TBC1D19: variants seen among roughly 807,000 people sequenced by gnomAD.
The protein encoded by TBC1D19 is TBC1 domain family, member 19.
TBC1D19 carries 60 observed loss-of-function variants against 89.0 expected under a neutral mutation model. That is an observed-to-expected ratio of 0.67 (90% CI 0.55 to 0.84). The LOEUF (loss-of-function observed/expected upper bound fraction) is 0.84. Ranked by LOEUF, TBC1D19 falls within the 40% of genes least tolerant of loss-of-function variation. The pLI is 0.00. For missense variants in TBC1D19, 500 were observed against 610.8 expected (o/e 0.82, Z 1.91); for synonymous variants, 189 against 199.7 (o/e 0.95, Z 0.45).
At chr4:26,625,009 A>G (rs1742302811) in intron 4 of TBC1D19, among the ~76,000 whole-genome samples, 1 of 152,208 alleles carries the variant, frequency 6.6e-6, no homozygotes, top group Admixed American at 6.6e-5. Context: ...CTTTGTATTC[A>G]GTAAAACACG....
the TBC1D19 span, among the ~76,000 whole-genome samples, chr4:26,841,756 T>C: frequency 6.6e-6 from 1 of 152,208 alleles, no homozygotes; most frequent in Non-Finnish European, 1.5e-5. Flanking sequence ...TCCTTTTAGC[T>C]TCTCTGAGTC....
At chr4:26,757,226 C>A (rs1719300590), downstream of TBC1D19, among the ~76,000 whole-genome samples, 1 of 152,058 alleles carries the variant, frequency 6.6e-6, no homozygotes, top group East Asian at 1.9e-4. Flanking sequence ...CGTTGGCCAA[C>A]CAGGTCTCAA....
chr4:26,824,821 T>C, the TBC1D19 span, among the ~76,000 whole-genome samples: 4 of 152,228 alleles, frequency 2.6e-5, no homozygotes, highest in Non-Finnish European at 5.9e-5. Context: ...CTTTTTCCAA[T>C]TTTGTATTCC....
rs958044302 is a variant in TBC1D19, at chr4:26,673,635, T to C, written c.704-141T>C. 64 of 637,082 alleles carry C rather than the reference T, an allele frequency of 1.0e-4. 2 individuals carry two copies. In the South Asian group the frequency reaches 1.2e-3, roughly 12 times the overall value. 39.5% of individuals were successfully genotyped at this position (637,082 alleles called of 1,614,324 possible). ...GCTGTATTGAAATCCAGAGAATAAA[T>C]TTTAAAAGGTAAAGATACGGTGTAA... On this transcript the variant is annotated intron_variant, in intron 10 of 20. Transcript: ENST00000264866.
chr4:26,660,879 A>G (rs1745182917), intron 8 of TBC1D19, among the ~76,000 whole-genome samples: 1 of 152,186 alleles, frequency 6.6e-6, no homozygotes, highest in South Asian at 2.1e-4. Flanking sequence ...CCTAGAAGTC[A>G]TAGTTGCTTT....
chr4:26,661,056 G>T (rs1187995924), intron 8 of TBC1D19, among the ~76,000 whole-genome samples: 2 of 152,086 alleles, frequency 1.3e-5, no homozygotes, highest in Non-Finnish European at 2.9e-5. Context: ...GAGCCATAGG[G>T]CTGAAAATGT....
the TBC1D19 span, among the ~76,000 whole-genome samples, chr4:26,776,564 C>T: frequency 6.6e-6 from 1 of 152,158 alleles, no homozygotes; most frequent in East Asian, 1.9e-4. Flanking sequence ...TGAATACCCA[C>T]CATCTGTACT....
At chr4:26,656,071 A>C (rs191294702) in intron 7 of TBC1D19, among the ~76,000 whole-genome samples, 1 of 152,282 alleles carries the variant, frequency 6.6e-6, no homozygotes, top group East Asian at 1.9e-4. Context: ...TTACTTAAAA[A>C]TATTTTTAAA....
chr4:26,810,749 A>G, the TBC1D19 span, among the ~76,000 whole-genome samples: 1 of 152,178 alleles, frequency 6.6e-6, no homozygotes, highest in Non-Finnish European at 1.5e-5. Flanking sequence ...CTTCTGTGCT[A>G]TCAAGCCATT....
At chr4:26,643,522 G>C (rs934945197) in intron 7 of TBC1D19, among the ~76,000 whole-genome samples, 1 of 152,038 alleles carries the variant, frequency 6.6e-6, no homozygotes, top group Non-Finnish European at 1.5e-5. Flanking sequence ...AAGAACTAGA[G>C]AAGCAAGAGC....
At chr4:26,586,616 T>C (rs1577746992) in intron 1 of TBC1D19, among the ~76,000 whole-genome samples, 1 of 152,316 alleles carries the variant, frequency 6.6e-6, no homozygotes, top group East Asian at 1.9e-4. Context: ...TTTTCATTTA[T>C]TTATGTTGTT....
chr4:26,663,277 C>T (rs1052181995), intron 8 of TBC1D19, among the ~76,000 whole-genome samples: 2 of 152,098 alleles, frequency 1.3e-5, no homozygotes, highest in Non-Finnish European at 2.9e-5. Flanking sequence ...ACATGCCTCA[C>T]CAGTGAAACA....
intron 1 of TBC1D19, among the ~76,000 whole-genome samples, chr4:26,602,012 C>T (rs904410829): frequency 6.6e-6 from 1 of 152,102 alleles, no homozygotes; most frequent in East Asian, 1.9e-4. Flanking sequence ...ATCTTGCTTA[C>T]TGGACAATAA....
chr4:26,742,133 G>A (rs888895991), intron 17 of TBC1D19, among the ~76,000 whole-genome samples: 2 of 152,166 alleles, frequency 1.3e-5, no homozygotes, highest in South Asian at 2.1e-4. Context: ...CTGGAAACTG[G>A]AATGCATTCA....
the TBC1D19 span, among the ~76,000 whole-genome samples, chr4:26,826,436 G>C: frequency 1.1e-4 from 17 of 151,784 alleles, no homozygotes; most frequent in Non-Finnish European, 1.9e-4. Context: ...TCTGCTCATA[G>C]TAGGTGAACA....
At chr4:26,800,980 T>G in the TBC1D19 span, among the ~76,000 whole-genome samples, 1 of 152,230 alleles carries the variant, frequency 6.6e-6, no homozygotes, top group African/African-American at 2.4e-5. Context: ...TGATGGTAGT[T>G]TCTTTTGCTG....
intron 15 of TBC1D19, among the ~76,000 whole-genome samples, chr4:26,728,761 C>A (rs1717473968): frequency 6.6e-6 from 1 of 152,208 alleles, no homozygotes; most frequent in Non-Finnish European, 1.5e-5. Context: ...CGCCTGTAAT[C>A]CCAGCACTTT....
At chr4:26,680,158 G>A (rs560051760) in intron 11 of TBC1D19, among the ~76,000 whole-genome samples, 278 of 152,158 alleles carry the variant, frequency 1.8e-3, no homozygotes, top group African/African-American at 6.4e-3. Context: ...AGGCTTCCAC[G>A]GCCATGTGGA....
chr4:26,629,147 C>T (rs565880950), intron 4 of TBC1D19, among the ~76,000 whole-genome samples: 35 of 152,114 alleles, frequency 2.3e-4, no homozygotes, highest in African/African-American at 7.9e-4. Context: ...TATGCCACTG[C>T]GTCTATTTGA....
Sources: allele counts gnomAD v4.1 joint callset (sites outside exome capture counted in the v4.1 genomes callset), GRCh38; gene constraint gnomAD v4.1.1; transcripts MANE v1.5; gene names NCBI Gene and HGNC (gene_info 2026-07-23, HGNC 2026-07-21).